DPH6: variants seen among roughly 807,000 people sequenced by gnomAD.
DPH6 encodes diphthamine biosynthesis 6.
A neutral mutation model predicts 38.2 loss-of-function variants in DPH6; 33 were observed. That is an observed-to-expected ratio of 0.86 (90% CI 0.65 to 1.15). The LOEUF (loss-of-function observed/expected upper bound fraction) is 1.15, where lower values mean the gene tolerates loss of function less well. Among genes scored for constraint, DPH6 ranks in the 50% most tolerant of loss-of-function variants. The probability of loss-of-function intolerance (pLI) is 0.00; values close to 1 mark genes in which losing one functional copy is unlikely to be tolerated. For missense variants in DPH6, 325 were observed against 320.0 expected, an observed-to-expected ratio of 1.02 and a Z score of -0.12; for synonymous variants, 108 against 103.0, an observed-to-expected ratio of 1.05 and a Z score of -0.30.
chr15:35,322,247 A>G (rs190343975), intron 3 of DPH6, among the ~76,000 whole-genome samples: 11 of 152,326 alleles, frequency 7.2e-5, no homozygotes, highest in Non-Finnish European at 1.2e-4. Flanking sequence ...TATAGACACT[A>G]TCCCTACATT....
intron 5 of DPH6, among the ~76,000 whole-genome samples, chr15:35,426,243 A>C (rs974432768): frequency 1.3e-5 from 2 of 151,782 alleles, no homozygotes; most frequent in African/African-American, 4.8e-5. Context: ...GGTACTTTGC[A>C]TAAAGGTAGA....
chr15:35,398,552 G>T (rs968776854), intron 6 of DPH6, among the ~76,000 whole-genome samples: 2 of 152,178 alleles, frequency 1.3e-5, no homozygotes, highest in Non-Finnish European at 2.9e-5. Context: ...GAAGCTCTGT[G>T]CCGCCTTCCT....
chr15:35,537,331 C>T (rs890987050), intron 3 of DPH6, among the ~76,000 whole-genome samples: 4 of 152,010 alleles, frequency 2.6e-5, no homozygotes, highest in African/African-American at 9.7e-5. Flanking sequence ...TTTCCTTCCC[C>T]TTGTGAAAAA....
chr15:35,462,109 C>T (rs190335317), intron 3 of DPH6, among the ~76,000 whole-genome samples: 1 of 152,276 alleles, frequency 6.6e-6, no homozygotes, highest in East Asian at 1.9e-4. Flanking sequence ...ATCAGTAGTT[C>T]TGTGAGCTTC....
chr15:35,401,009 T>C, intron 6 of DPH6: 2 of 909,734 alleles, frequency 2.2e-6, no homozygotes, highest in Non-Finnish European at 3.6e-6. Context: ...AAAAGACATT[T>C]GTTGCTGGCA....
In DPH6 at chr15:35,499,753, C is replaced by T. The variant is rs556241454; in HGVS notation, c.312+38521G>A. On this transcript the variant is annotated intron_variant, in intron 3 of 8. Coordinates refer to ENST00000256538, the MANE Select transcript of DPH6 (RefSeq NM_080650.4). ...ATAAGATTCATGGATCTATCAGACA[C>T]TTACTTTATCGCTTTCTGGCCACTG... Among the ~76,000 whole-genome samples, 9 of 152,354 alleles carry T rather than the reference C, an allele frequency of 5.9e-5. No individual in the cohort carries two copies. The South Asian group carries it at 1.7e-3, about 28-fold the overall frequency.
intron 3 of DPH6, among the ~76,000 whole-genome samples, chr15:35,315,624 G>T (rs1026135484): frequency 6.6e-6 from 1 of 152,180 alleles, no homozygotes; most frequent in Non-Finnish European, 1.5e-5. Flanking sequence ...ATGGAGAACA[G>T]TATAGAGGTT....
At chr15:35,300,937 C>T (rs2140803419) in intron 3 of DPH6, among the ~76,000 whole-genome samples, 1 of 152,234 alleles carries the variant, frequency 6.6e-6, no homozygotes. Flanking sequence ...ATTCTATCAC[C>T]ATCTATCAAG....
chr15:35,433,954 A>T (rs2053663521), intron 5 of DPH6, among the ~76,000 whole-genome samples: 1 of 152,272 alleles, frequency 6.6e-6, no homozygotes, highest in African/African-American at 2.4e-5. Flanking sequence ...GGAGGTAGAG[A>T]TATCTTTATG....
intron 3 of DPH6, among the ~76,000 whole-genome samples, chr15:35,285,946 A>T (rs1424068699): frequency 1.4e-5 from 2 of 147,980 alleles, no homozygotes; most frequent in Non-Finnish European, 3.0e-5. Context: ...TGAAATGATA[A>T]TAAGAGCTCA....
In DPH6 at chr15:35,381,848, G is replaced by C; in HGVS notation, c.636C>G (p.Cys212Trp). ...GGEYETFTLD[C>W]PLFKKKIIVD... ...CAATTATTTTCTTCTTAAATAGAGG[G>C]CAATCCAAAGTGAAAGTTTCATACT... The change falls in exon 7 of 9, where the codon TGC becomes TGG. Residue 212 changes from cysteine (C) to tryptophan (W), a missense_variant. Cys to Trp is a radical substitution (Grantham distance 215). Transcript: ENST00000256538. 6.2e-7 allele frequency: 1 copy of C among 1,612,744 alleles called. No homozygotes were observed. The highest frequency in any genetic ancestry group is 8.5e-7 in the Non-Finnish European group (1 of 1,178,974).
At chr15:35,304,389 T>C (rs1332681000) in intron 3 of DPH6, among the ~76,000 whole-genome samples, 20 of 152,114 alleles carry the variant, frequency 1.3e-4, no homozygotes, top group Admixed American at 1.2e-3. Context: ...CACCCTCTGA[T>C]GGAACATCCT....
chr15:35,373,200 C>T (rs1394340800), intron 8 of DPH6, among the ~76,000 whole-genome samples: 1 of 151,736 alleles, frequency 6.6e-6, no homozygotes, highest in Non-Finnish European at 1.5e-5. Context: ...TGCTTATGTA[C>T]AGTAACTTAA....
At chr15:35,332,120 T>A (rs2052331059) in intron 3 of DPH6, among the ~76,000 whole-genome samples, 1 of 152,186 alleles carries the variant, frequency 6.6e-6, no homozygotes, top group East Asian at 1.9e-4. Flanking sequence ...TGGAAATTGA[T>A]AAGACTCTTC....
At chr15:35,406,982 C>T (rs528037883) in intron 6 of DPH6, among the ~76,000 whole-genome samples, 29 of 152,008 alleles carry the variant, frequency 1.9e-4, no homozygotes, top group African/African-American at 6.3e-4. Context: ...GTGGAGTATA[C>T]GTGGAAAGCC....
At chr15:35,420,450 T>TA (rs2053490229) in intron 5 of DPH6, among the ~76,000 whole-genome samples, 1 of 152,156 alleles carries the variant, frequency 6.6e-6, no homozygotes, top group Admixed American at 6.5e-5. Context: ...GATTAGGGCA[T>TA]AAATAAATAA....
chr15:35,495,236 T>C (rs2054534093), intron 3 of DPH6, among the ~76,000 whole-genome samples: 1 of 152,116 alleles, frequency 6.6e-6, no homozygotes, highest in African/African-American at 2.4e-5. Context: ...TGGGCTCTTA[T>C]CCAATATGTC....
intron 3 of DPH6, among the ~76,000 whole-genome samples, chr15:35,481,702 G>GA (rs1343575984): frequency 8.5e-5 from 13 of 152,190 alleles, no homozygotes; most frequent in Middle Eastern, 3.4e-3. Context: ...AAGAATAATA[G>GA]AAGGAGGGAA....
the DPH6 span, among the ~76,000 whole-genome samples, chr15:35,156,924 C>T: frequency 6.6e-6 from 1 of 151,476 alleles, no homozygotes; most frequent in Non-Finnish European, 1.5e-5. Context: ...GTAGATTTTC[C>T]TGGAGGAAAT....
Sources: allele counts gnomAD v4.1 joint callset (sites outside exome capture counted in the v4.1 genomes callset), GRCh38; gene constraint gnomAD v4.1.1; transcripts MANE v1.5; gene names NCBI Gene and HGNC (gene_info 2026-07-23, HGNC 2026-07-21).